Variants in ERBB4 observed in about 807,000 individuals in gnomAD.
The protein encoded by ERBB4 is erb-b2 receptor tyrosine kinase 4.
Under a neutral mutation model 158.0 loss-of-function variants are expected in ERBB4, and 42 were observed. The observed-to-expected ratio is 0.27, with a 90% confidence interval of 0.21 to 0.34. The LOEUF (loss-of-function observed/expected upper bound fraction) is 0.34. ERBB4 is among the 10% of genes least tolerant of loss of function. ERBB4 has a pLI of 1.00. For missense variants in ERBB4, 1,333 were observed against 1,624.1 expected, an observed-to-expected ratio of 0.82 and a Z score of 3.08; for synonymous variants, 583 against 558.7, an observed-to-expected ratio of 1.04 and a Z score of -0.61.
intron 3 of ERBB4, among the ~76,000 whole-genome samples, chr2:211,867,790 G>A (rs899515487): frequency 5.9e-5 from 9 of 151,998 alleles, no homozygotes; most frequent in South Asian, 2.1e-4. Flanking sequence ...AACTTAAACC[G>A]TATGTTTATT....
At chr2:212,031,528 G>T (rs543924570) in intron 2 of ERBB4, among the ~76,000 whole-genome samples, 11 of 152,256 alleles carry the variant, frequency 7.2e-5, no homozygotes, top group Admixed American at 6.5e-4. Flanking sequence ...TTCTGGTTTA[G>T]CAGATGGGCT....
rs2062522140 is a variant in ERBB4 at position 211,378,675 on chromosome 2, G to A, written c.*4940C>T. On this transcript the variant is annotated 3_prime_UTR_variant, in exon 28 of 28. Coordinates refer to ENST00000342788, the MANE Select transcript of ERBB4 (RefSeq NM_005235.3). ...TATCAGTAATAATGAGGTCTCCACTGATAATGATCTTTTAAAATTATGCCT... is the reference window on the plus strand; with the variant it reads ...TATCAGTAATAATGAGGTCTCCACTAATAATGATCTTTTAAAATTATGCCT... 1 of 232,184 alleles carries A rather than the reference G, an allele frequency of 4.3e-6. No homozygotes were observed. The highest frequency in any genetic ancestry group is 2.2e-5 in the African/African-American group (1 of 45,224). 14.4% of individuals were successfully genotyped at this position (232,184 alleles called of 1,614,324 possible). A position where few individuals can be genotyped will look rare whatever the true frequency, so the allele number is the denominator to read the frequency against.
rs575541868 is a variant in ERBB4 at position 211,741,501 on chromosome 2, T to TAGAG, written c.622+9134_622+9137dup. ...CACACACTAGATGACAGACAGATGA[T>TAGAG]AGAGAGAGAGAGAGAGAAAGATAAG... On this transcript the variant is annotated intron_variant, in intron 5 of 27. Transcript: ENST00000342788. Among the ~76,000 whole-genome samples the TAGAG allele has an allele frequency of 8.4e-3, 1,169 of 138,506 alleles. 22 individuals carry two copies. Among genetic ancestry groups the TAGAG allele is most frequent in the Middle Eastern group, 0.052 (14 of 270 alleles). 90.9% of individuals were successfully genotyped at this position (138,506 alleles called of 152,430 possible).
At chr2:211,889,018 C>A (rs1267592741) in intron 3 of ERBB4, among the ~76,000 whole-genome samples, 10 of 145,362 alleles carry the variant, frequency 6.9e-5, no homozygotes, top group African/African-American at 2.7e-5. Flanking sequence ...ACAAAGCAGC[C>A]AGGAAGCTCG....
chr2:212,378,198 T>C (rs1574807641), intron 1 of ERBB4, among the ~76,000 whole-genome samples: 1 of 151,970 alleles, frequency 6.6e-6, no homozygotes, highest in South Asian at 2.1e-4. Context: ...TAATGCAGTA[T>C]TGTTGGCTGA....
intron 19 of ERBB4, among the ~76,000 whole-genome samples, chr2:211,616,685 G>A (rs944824680): frequency 6.6e-6 from 1 of 152,116 alleles, no homozygotes; most frequent in African/African-American, 2.4e-5. Flanking sequence ...CAGTTAAACT[G>A]CATTTTAATC....
At chr2:211,984,121 T>G (rs1243732522) in intron 2 of ERBB4, among the ~76,000 whole-genome samples, 2 of 152,182 alleles carry the variant, frequency 1.3e-5, no homozygotes, top group African/African-American at 4.8e-5. Flanking sequence ...GCTTGAGGGC[T>G]TGCTTTCTTC....
rs116679725 is a variant in ERBB4 at position 211,675,974 on chromosome 2, G to A, written c.1623-2717C>T. 2.5e-3 allele frequency among the ~76,000 whole-genome samples: 376 copies of A among 151,690 alleles called. 2 individuals are homozygous for A. The highest frequency in any genetic ancestry group is 8.1e-3 in the African/African-American group (337 of 41,402). ...GGTAGAAACTCCAACAAGATCTTACGCATTTTCTCATTTGATAATCACAAC... is the reference window on the plus strand; with the variant it reads ...GGTAGAAACTCCAACAAGATCTTACACATTTTCTCATTTGATAATCACAAC... On this transcript the variant is annotated intron_variant, in intron 13 of 27. Coordinates refer to ENST00000342788, the MANE Select transcript of ERBB4 (RefSeq NM_005235.3).
Position 212,401,802 on chromosome 2 carries a change from C to CAA in ERBB4, c.82+136645_82+136646dup. Among the ~76,000 whole-genome samples, 3 of 152,038 alleles carry CAA rather than the reference C, an allele frequency of 2.0e-5. No homozygotes were observed. The East Asian group carries it at 5.8e-4, about 29-fold the overall frequency. ...GGCTCTCAGTAAAACTAAAAGGCCA[C>CAA]AAACATAATTATTGAAAACTCGGGA... is the stretch of plus-strand genomic sequence containing the variant. On this transcript the variant is annotated intron_variant, in intron 1 of 27. Transcript: ENST00000342788.
chr2:211,937,471 G>C (rs2080357796), intron 3 of ERBB4, among the ~76,000 whole-genome samples: 1 of 152,034 alleles, frequency 6.6e-6, no homozygotes, highest in African/African-American at 2.4e-5. Flanking sequence ...TAAAGAAATA[G>C]ACTTTTTCTA....
chr2:212,056,428 C>T (rs542719558), intron 2 of ERBB4, among the ~76,000 whole-genome samples: 1 of 152,268 alleles, frequency 6.6e-6, no homozygotes, highest in East Asian at 1.9e-4. Flanking sequence ...ATAGAGAGAA[C>T]ACCACAAAGA....
intron 20 of ERBB4, among the ~76,000 whole-genome samples, chr2:211,552,909 C>G (rs1346001194): frequency 6.6e-6 from 1 of 151,984 alleles, no homozygotes; most frequent in Non-Finnish European, 1.5e-5. Context: ...AAGAATTTCC[C>G]CTGAGCTCAG....
At chr2:211,627,733 T>C (rs1238012732) in intron 17 of ERBB4, among the ~76,000 whole-genome samples, 1 of 152,204 alleles carries the variant, frequency 6.6e-6, no homozygotes, top group Non-Finnish European at 1.5e-5. Flanking sequence ...CTGTGAATTG[T>C]TTAGATAGGC....
At chr2:211,575,037 T>C (rs1015561195) in intron 19 of ERBB4, among the ~76,000 whole-genome samples, 3 of 152,184 alleles carry the variant, frequency 2.0e-5, no homozygotes, top group African/African-American at 7.2e-5. Context: ...GCAAGACACA[T>C]TTAAAAGGGA....
intron 3 of ERBB4, among the ~76,000 whole-genome samples, chr2:211,861,515 T>C (rs2106079383): frequency 6.6e-6 from 1 of 151,730 alleles, no homozygotes; most frequent in East Asian, 1.9e-4. Context: ...AAAACAATAT[T>C]GATGGAACCC....
intron 1 of ERBB4, among the ~76,000 whole-genome samples, chr2:212,513,529 A>C (rs1354403143): frequency 6.6e-6 from 1 of 152,138 alleles, no homozygotes; most frequent in Admixed American, 6.5e-5. Context: ...TTAAGTTTTC[A>C]AGGCCTGGCG....
intron 2 of ERBB4, among the ~76,000 whole-genome samples, chr2:212,073,668 G>C (rs1383493367): frequency 1.3e-5 from 2 of 152,020 alleles, no homozygotes; most frequent in African/African-American, 4.8e-5. Flanking sequence ...TTGGTGCACA[G>C]AGCAGGGTGA....
Position 211,462,268 on chromosome 2 carries a change from A to C in ERBB4, c.2488-31168T>G, listed in dbSNP as rs900383582. Among the ~76,000 whole-genome samples the C allele has an allele frequency of 7.9e-5, 12 of 152,066 alleles. 1 individual carries two copies. Among genetic ancestry groups the C allele is most frequent in the African/African-American group, 2.9e-4 (12 of 41,370 alleles). ...TCATAACTCACACACTATCATGAGC[A>C]GCACTGAGGGATACCTGCCCCCATG... On this transcript the variant is annotated intron_variant, in intron 20 of 27. Transcript: ENST00000342788.
intron 3 of ERBB4, among the ~76,000 whole-genome samples, chr2:211,927,684 A>T (rs1345802040): frequency 2.0e-5 from 3 of 152,078 alleles, no homozygotes; most frequent in Non-Finnish European, 4.4e-5. Context: ...CCAGTCAAAC[A>T]ATCAGGTTCT....
Sources: gnomAD v4.1 joint callset for allele counts (sites outside exome capture counted in the v4.1 genomes callset) on GRCh38, gnomAD v4.1.1 for gene constraint, MANE v1.5 for transcripts, NCBI Gene and HGNC (gene_info 2026-07-23, HGNC 2026-07-21) for gene names.